The following CCDC28B variants were observed in gnomAD, a reference collection of about 807,000 sequenced individuals.
The protein encoded by CCDC28B is coiled-coil domain-containing protein 28B.
A neutral mutation model predicts 18.7 loss-of-function variants in CCDC28B; 17 were observed. The ratio of observed to expected loss-of-function variants is 0.91; its 90% CI spans 0.62 to 1.36. CCDC28B has a LOEUF of 1.36. Ranked by LOEUF, CCDC28B falls within the 40% of genes most tolerant of loss-of-function variation. The probability of loss-of-function intolerance (pLI) is 0.00; values close to 1 mark genes in which losing one functional copy is unlikely to be tolerated. For synonymous variants in CCDC28B, 116 were observed against 105.1 expected (o/e 1.10, Z -0.64); for missense variants, 213 against 251.7 (o/e 0.85, Z 1.04).
rs1315355193 is a variant in CCDC28B at position 32,203,989 on chromosome 1, A to AG, written c.281dup (p.Leu95ThrfsTer7). 6.3e-7 allele frequency: 1 copy of AG among 1,576,350 alleles called. No homozygotes were observed. The highest frequency in any genetic ancestry group is 1.7e-4 in the Middle Eastern group (1 of 5,882). On this transcript the variant is annotated frameshift_variant, in exon 3 of 6. Coordinates refer to ENST00000373602, the MANE Select transcript of CCDC28B (RefSeq NM_024296.5). LOFTEE classifies it high-confidence loss of function. Reference sequence around the variant, plus strand: ...GAGGTGACTGATGTCTATGAGATGGAGGGGGGACTCCTGAACCTGCTCAAT... The same window carrying AG: ...GAGGTGACTGATGTCTATGAGATGGAGGGGGGGACTCCTGAACCTGCTCAAT...
At chr1:32,204,961 A>G in intron 5 of CCDC28B, 1 of 1,353,866 alleles carries the variant, frequency 7.4e-7, no homozygotes, top group Non-Finnish European at 9.9e-7. Flanking sequence ...GTCCTCAGTC[A>G]GAAACAGCGC....
upstream of CCDC28B, among the ~76,000 whole-genome samples, chr1:32,199,420 A>G (rs1036821761): frequency 6.6e-6 from 1 of 152,050 alleles, no homozygotes; most frequent in Admixed American, 6.5e-5. Context: ...CAGCTCTGAG[A>G]ATAATGAGGT....
chr1:32,196,766 C>G (rs1002956364), upstream of CCDC28B: 2 of 152,252 alleles, frequency 1.3e-5, no homozygotes, highest in African/African-American at 4.8e-5. Context: ...ATCTTCCATA[C>G]CTAGCCCACT....
intron 1 of CCDC28B, among the ~76,000 whole-genome samples, chr1:32,201,445 G>C (rs1643145862): frequency 6.6e-6 from 1 of 152,086 alleles, no homozygotes; most frequent in Non-Finnish European, 1.5e-5. Context: ...TTTCCCAGGC[G>C]CCCCTACCTG....
intron 4 of CCDC28B, 53 bp downstream of exon 4, chr1:32,204,432 G>C: frequency 6.5e-7 from 1 of 1,529,306 alleles, no homozygotes; most frequent in Non-Finnish European, 8.8e-7. Flanking sequence ...GGTGGAGAAG[G>C]TACATACTCC....
intron 2 of CCDC28B, chr1:32,202,317 T>G: frequency 1.4e-6 from 1 of 699,956 alleles, no homozygotes; most frequent in South Asian, 1.5e-5. Flanking sequence ...AGCGTGAGGA[T>G]TCGCCTCAGA....
upstream of CCDC28B, chr1:32,198,282 C>A (rs1643067863): frequency 6.6e-6 from 1 of 152,298 alleles, no homozygotes; most frequent in South Asian, 2.1e-4. Flanking sequence ...AGTCTGTTGC[C>A]TTACTTGTTT....
At position 32,205,115 on chromosome 1, in the gene CCDC28B, G is replaced by C. The variant is rs996561867; in HGVS notation, c.549-79G>C. The C allele has an allele frequency of 1.3e-6, 2 of 1,557,548 alleles. No homozygotes were observed. Among genetic ancestry groups the C allele is most frequent in the Non-Finnish European group, 1.8e-6 (2 of 1,136,230 alleles). On this transcript the variant is annotated intron_variant, in intron 5 of 5. Transcript: ENST00000373602. This position sits in a 1 kb window ranked among gnomAD's most constrained non-coding sequence, Gnocchi z 5.6. ...TCCCCGGCCCTTTGCACAGGTGAGG[G>C]AACTAAACCTGTGCAAGATGGGAGA... is the stretch of plus-strand genomic sequence containing the variant.
Position 32,205,218 on chromosome 1 carries a change from C to G in CCDC28B, c.573C>G (p.Asn191Lys), listed in dbSNP as rs1405378493. Residue 191 changes from asparagine (N) to lysine (K), a missense_variant, in exon 6 of 6, where the codon AAC (asparagine) becomes AAG (lysine). Transcript: ENST00000373602. The surrounding 1 kb of genome is among the most constrained non-coding windows in gnomAD (Gnocchi z 5.6). ...GCCAGAAGCTGCACCTGGCCGAGAA[C>G]GCCGAGCCTGAGGAGCAGTCCGCTG... ...NSIQKLHLAE[N>K]AEPEEQSAA is the part of the protein sequence containing the mutation. 4 of 1,613,918 alleles carry G rather than the reference C, an allele frequency of 2.5e-6. No individual in the cohort carries two copies. Among genetic ancestry groups the G allele is most frequent in the Admixed American group, 1.7e-5 (1 of 60,004 alleles).
intron 2 of CCDC28B, among the ~76,000 whole-genome samples, chr1:32,203,331 G>A (rs1443455875): frequency 6.6e-5 from 10 of 151,668 alleles, no homozygotes; most frequent in South Asian, 4.2e-4. Flanking sequence ...AGTGGCAGGC[G>A]CCCATAATGC....
chr1:32,204,548 G>T, intron 4 of CCDC28B, 50 bp from the exon 5 acceptor site: 1 of 1,529,808 alleles, frequency 6.5e-7, no homozygotes, highest in South Asian at 1.3e-5. Context: ...TTGGGGATTT[G>T]GCCTGGTTCC....
chr1:32,201,826 G>A (rs1324440079), intron 1 of CCDC28B, 87 bp from the exon 2 acceptor site: 1 of 1,143,920 alleles, frequency 8.7e-7, no homozygotes, highest in African/African-American at 1.6e-5. Context: ...AGGTCCCAGG[G>A]CCCTTCCTTG....
At chr1:32,198,749 A>G (rs754700947), upstream of CCDC28B, among the ~76,000 whole-genome samples, 1 of 152,174 alleles carries the variant, frequency 6.6e-6, no homozygotes, top group Non-Finnish European at 1.5e-5. Flanking sequence ...AAGCAGGTCC[A>G]TGGGACTGGG....
chr1:32,205,114 G>A lies in CCDC28B; in HGVS notation c.549-80G>A. On this transcript the variant is annotated intron_variant, in intron 5 of 5. Coordinates refer to ENST00000373602, the MANE Select transcript of CCDC28B (RefSeq NM_024296.5). The surrounding 1 kb of genome is among the most constrained non-coding windows in gnomAD (Gnocchi z 5.6). ...GTCCCCGGCCCTTTGCACAGGTGAG[G>A]GAACTAAACCTGTGCAAGATGGGAG... 6.4e-7 allele frequency: 1 copy of A among 1,556,386 alleles called. No individual in the cohort carries two copies. Among genetic ancestry groups the A allele is most frequent in the Non-Finnish European group, 8.8e-7 (1 of 1,137,164 alleles).
chr1:32,202,167 A>G (rs1643161607), intron 2 of CCDC28B, 68 bp downstream of exon 2: 1 of 1,591,762 alleles, frequency 6.3e-7, no homozygotes, highest in African/African-American at 1.3e-5. Flanking sequence ...GAGGAAGGCA[A>G]GGGGGGCCTC....
At chr1:32,199,147 C>T (rs1359059823), upstream of CCDC28B, among the ~76,000 whole-genome samples, 3 of 152,216 alleles carry the variant, frequency 2.0e-5, no homozygotes, top group Non-Finnish European at 4.4e-5. Context: ...ACCCTGTTCT[C>T]TCTGGGTCCT....
intron 1 of CCDC28B, 124 bp downstream of exon 1, chr1:32,200,833 G>GAAAT (rs1557514776): frequency 6.6e-6 from 1 of 152,202 alleles, no homozygotes; most frequent in African/African-American, 2.4e-5. Context: ...CCGGGCTTGG[G>GAAAT]AAATAGATCC....
Position 32,205,083 on chromosome 1 carries a change from A to ACCCTCGT in CCDC28B, c.549-107_549-101dup. Reference sequence around the variant, plus strand: ...AACCTCAGTCCACAGACGGCCCGAGACCCTCGTCCCCGGCCCTTTGCACAG... The same window carrying ACCCTCGT: ...AACCTCAGTCCACAGACGGCCCGAGACCCTCGTCCCTCGTCCCCGGCCCTTTGCACAG... On this transcript the variant is annotated intron_variant, in intron 5 of 5. Transcript: ENST00000373602. The surrounding 1 kb of genome is among the most constrained non-coding windows in gnomAD (Gnocchi z 5.6). The ACCCTCGT allele has an allele frequency of 4.4e-6, 6 of 1,373,666 alleles. No individual in the cohort carries two copies. The highest frequency in any genetic ancestry group is 6.0e-6 in the Non-Finnish European group (6 of 1,004,130). 85.1% of individuals were successfully genotyped at this position (1,373,666 alleles called of 1,614,324 possible).
rs764002948 is a variant in CCDC28B at position 32,205,285 on chromosome 1, C to T, written c.*37C>T. The T allele has an allele frequency of 2.4e-5, 38 of 1,569,644 alleles. 1 individual carries two copies. The Admixed American group carries it at 6.9e-4, about 29-fold the overall frequency. On this transcript the variant is annotated 3_prime_UTR_variant, in exon 6 of 6. Coordinates refer to ENST00000373602, the MANE Select transcript of CCDC28B (RefSeq NM_024296.5). This position sits in a 1 kb window ranked among gnomAD's most constrained non-coding sequence, Gnocchi z 5.6. ...AGGCCCACACTGCCCCTCTCATTCTCTTCAAACTGTGACTTTTTACAGACT... is the reference window on the plus strand; with the variant it reads ...AGGCCCACACTGCCCCTCTCATTCTTTTCAAACTGTGACTTTTTACAGACT...
Sources: gnomAD v4.1 joint callset for allele counts (sites outside exome capture counted in the v4.1 genomes callset) on GRCh38, gnomAD v4.1.1 for gene constraint, Gnocchi (gnomAD v3.1) non-coding constraint, MANE v1.5 for transcripts, NCBI Gene and HGNC (gene_info 2026-07-23, HGNC 2026-07-21) for gene names.